ADK: variants seen among roughly 807,000 people sequenced by gnomAD.
ADK encodes N6,N6-dimethyladenosine kinase.
ADK carries 24 observed loss-of-function variants against 44.7 expected under a neutral mutation model. The ratio of observed to expected loss-of-function variants is 0.54; its 90% CI spans 0.39 to 0.76. The LOEUF is 0.76. ADK is among the 30% of genes least tolerant of loss of function. The pLI is 0.00. For synonymous variants in ADK, 128 were observed against 142.6 expected, an observed-to-expected ratio of 0.90 and a Z score of 0.73; for missense variants, 321 against 425.1, an observed-to-expected ratio of 0.76 and a Z score of 2.15.
At chr10:74,327,291 T>G (rs1343839237) in intron 4 of ADK, among the ~76,000 whole-genome samples, 2 of 152,220 alleles carry the variant, frequency 1.3e-5, no homozygotes, top group Non-Finnish European at 2.9e-5. Flanking sequence ...TTAATTTCCA[T>G]GTATTTGTAG....
intron 9 of ADK, among the ~76,000 whole-genome samples, chr10:74,646,296 A>T (rs573852460): frequency 2.0e-5 from 3 of 152,328 alleles, no homozygotes; most frequent in Admixed American, 2.0e-4. Flanking sequence ...CACTTTGGGG[A>T]TTAACACAAG....
At chr10:74,219,083 A>G (rs1844182323) in intron 2 of ADK, among the ~76,000 whole-genome samples, 1 of 152,220 alleles carries the variant, frequency 6.6e-6, no homozygotes, top group African/African-American at 2.4e-5. Context: ...CAAATTGGAT[A>G]AAGAGTCAAG....
chr10:74,553,446 T>C (rs1261289318), intron 7 of ADK, among the ~76,000 whole-genome samples: 3 of 151,772 alleles, frequency 2.0e-5, no homozygotes, highest in South Asian at 2.1e-4. Flanking sequence ...TGATCTGCCC[T>C]CCTCGGCCTC....
At chr10:74,229,125 T>C (rs1402830075) in intron 3 of ADK, among the ~76,000 whole-genome samples, 1 of 152,220 alleles carries the variant, frequency 6.6e-6, no homozygotes, top group East Asian at 1.9e-4. Context: ...TTTTAAATGT[T>C]GTCTTATAAA....
At chr10:74,199,669 A>G (rs537013515) in intron 1 of ADK, among the ~76,000 whole-genome samples, 144 of 151,850 alleles carry the variant, frequency 9.5e-4, no homozygotes, top group Admixed American at 2.5e-3. Flanking sequence ...TGGTAGAATG[A>G]TTCATTTTTT....
intron 3 of ADK, among the ~76,000 whole-genome samples, chr10:74,247,011 C>T (rs771362444): frequency 7.9e-5 from 12 of 151,526 alleles, no homozygotes; most frequent in Non-Finnish European, 1.3e-4. Flanking sequence ...TATTAAAGCT[C>T]CTTGAATTAC....
chr10:74,416,027 C>CAT (rs1186801066), intron 6 of ADK, among the ~76,000 whole-genome samples: 103 of 99,822 alleles, frequency 1.0e-3, no homozygotes, highest in African/African-American at 3.1e-3. Flanking sequence ...CACACACATA[C>CAT]ATATATACAC....
intron 4 of ADK, among the ~76,000 whole-genome samples, chr10:74,347,106 CAAAAAAAAAA>C (rs58074760): frequency 1.6e-4 from 15 of 92,292 alleles, no homozygotes; most frequent in South Asian, 1.5e-3. Flanking sequence ...CACTCTGTCT[CAAAAAAAAAA>C]AAAAAAAAAA....
chr10:74,190,065 A>G (rs1177460185), intron 1 of ADK, among the ~76,000 whole-genome samples: 2 of 152,114 alleles, frequency 1.3e-5, no homozygotes, highest in African/African-American at 4.8e-5. Context: ...TTCATCTACA[A>G]GTTTTTGTGG....
intron 6 of ADK, among the ~76,000 whole-genome samples, chr10:74,442,080 G>A (rs989662340): frequency 6.6e-6 from 1 of 151,840 alleles, no homozygotes; most frequent in Non-Finnish European, 1.5e-5. Flanking sequence ...TTGAGCCCAG[G>A]GGTTCAAGGC....
At chr10:74,568,657 T>C (rs1850793138) in intron 7 of ADK, among the ~76,000 whole-genome samples, 2 of 151,572 alleles carry the variant, frequency 1.3e-5, no homozygotes, top group African/African-American at 4.8e-5. Flanking sequence ...TTTTTTTACA[T>C]GTTCTATTTT....
At chr10:74,620,265 T>C (rs1014667148) in intron 9 of ADK, among the ~76,000 whole-genome samples, 1 of 152,172 alleles carries the variant, frequency 6.6e-6, no homozygotes, top group Non-Finnish European at 1.5e-5. Flanking sequence ...CCCTATTGCC[T>C]CCTCCTTCTT....
At chr10:74,454,951 C>A (rs10762620) in intron 6 of ADK, among the ~76,000 whole-genome samples, 91,398 of 151,824 alleles carry the variant, frequency 0.6, 30,059 homozygotes, top group Middle Eastern at 0.77. Context: ...AAACAGTTAC[C>A]AGGTTTTATG....
chr10:74,501,342 A>G (rs1343406137), intron 6 of ADK, among the ~76,000 whole-genome samples: 4 of 152,194 alleles, frequency 2.6e-5, no homozygotes, highest in African/African-American at 2.4e-5. Flanking sequence ...AGCCTGATCC[A>G]TGTATTTCTT....
intron 3 of ADK, among the ~76,000 whole-genome samples, chr10:74,288,418 G>A (rs1034953529): frequency 6.6e-6 from 1 of 152,202 alleles, no homozygotes; most frequent in Admixed American, 6.5e-5. Flanking sequence ...GGGAGGCTGA[G>A]GCAGGCGGAT....
intron 5 of ADK, among the ~76,000 whole-genome samples, chr10:74,394,675 G>A (rs1318185332): frequency 6.6e-6 from 1 of 152,064 alleles, no homozygotes; most frequent in Non-Finnish European, 1.5e-5. Flanking sequence ...ATATCCTGAG[G>A]TTGGAATACG....
intron 9 of ADK, among the ~76,000 whole-genome samples, chr10:74,628,982 G>T (rs563747370): frequency 6.6e-6 from 1 of 152,062 alleles, no homozygotes; most frequent in Admixed American, 6.5e-5. Flanking sequence ...AAGCTTTGCA[G>T]TCACAATTAG....
At chr10:74,564,780 C>T (rs1296525365) in intron 7 of ADK, among the ~76,000 whole-genome samples, 1 of 151,844 alleles carries the variant, frequency 6.6e-6, no homozygotes, top group African/African-American at 2.4e-5. Context: ...AAATATAAGT[C>T]ATTTTGGGGG....
At chr10:74,153,841 G>C (rs1343246029) in intron 1 of ADK, among the ~76,000 whole-genome samples, 1 of 152,196 alleles carries the variant, frequency 6.6e-6, no homozygotes, top group East Asian at 1.9e-4. Context: ...CGCCTCTTAA[G>C]AGGCTACAGT....
Sources: allele counts gnomAD v4.1 joint callset (sites outside exome capture counted in the v4.1 genomes callset), GRCh38; gene constraint gnomAD v4.1.1; transcripts MANE v1.5; gene names NCBI Gene and HGNC (gene_info 2026-07-23, HGNC 2026-07-21).